Variants in SCN1A observed in about 807,000 individuals in gnomAD.
SCN1A encodes the protein sodium channel protein type 1 subunit alpha.
A neutral mutation model predicts 193.7 loss-of-function variants in SCN1A; 13 were observed. That is an observed-to-expected ratio of 0.07 (90% CI 0.04 to 0.11). The LOEUF is 0.11. Among genes scored for constraint, SCN1A ranks in the 10% least tolerant of loss-of-function variants. The pLI is 1.00. For missense variants in SCN1A, 1,432 were observed against 2,451.1 expected (o/e 0.58, Z 8.78); for synonymous variants, 781 against 843.6 (o/e 0.93, Z 1.29).
chr2:166,026,636 T>C (rs1694798073), intron 19 of SCN1A, among the ~76,000 whole-genome samples: 1 of 151,722 alleles, frequency 6.6e-6, no homozygotes, highest in African/African-American at 2.4e-5. Flanking sequence ...TAATTTGTTC[T>C]CACTGTTTTA....
chr2:166,113,133 T>C (rs181863403), intron 2 of SCN1A, among the ~76,000 whole-genome samples: 85 of 152,276 alleles, frequency 5.6e-4, no homozygotes, highest in Non-Finnish European at 9.0e-4. Flanking sequence ...TTGTGGTATC[T>C]GAGGATAATG....
intron 27 of SCN1A, among the ~76,000 whole-genome samples, chr2:165,994,629 A>T (rs1228478258): frequency 6.7e-6 from 1 of 149,206 alleles, no homozygotes; most frequent in Non-Finnish European, 1.5e-5. Context: ...ACAATCCCTT[A>T]TCCAAAGAAG....
chr2:166,068,989 A>C (rs1326972999), intron 4 of SCN1A, among the ~76,000 whole-genome samples: 9 of 152,202 alleles, frequency 5.9e-5, no homozygotes. Context: ...TTTCTGTAAT[A>C]AAGAGTGGGT....
intron 3 of SCN1A, among the ~76,000 whole-genome samples, chr2:166,077,509 C>A (rs902637446): frequency 1.3e-5 from 2 of 151,838 alleles, no homozygotes; most frequent in Non-Finnish European, 2.9e-5. Flanking sequence ...CAAATTAAAA[C>A]AATAAGATAG....
rs141993041 is a variant in SCN1A, at chr2:166,147,241, T to C, written c.-50+1806A>G. Among the ~76,000 whole-genome samples, 53 of 152,292 alleles carry C rather than the reference T, an allele frequency of 3.5e-4. 2 individuals are homozygous for C. The East Asian group carries it at 9.8e-3, about 28-fold the overall frequency. On this transcript the variant is annotated intron_variant, in intron 1 of 26. Coordinates refer to the SCN1A transcript ENST00000635750. The stretch of plus-strand genomic sequence containing the variant: ...GTACTTAGTAAATTTTGGCTTAATA[T>C]TGTAAATATTCAAACAATATAATCT...
chr2:166,052,916 G>A lies in SCN1A; in HGVS notation c.630C>T (p.Gly210=). The A allele has an allele frequency of 1.9e-6, 3 of 1,612,416 alleles. No individual in the cohort carries two copies. The highest frequency in any genetic ancestry group is 2.5e-6 in the Non-Finnish European group (3 of 1,179,074). ...FAYVTEFVDL[G]NVSALRTFRV... ...TGAATGTTCTCAATGCCGAGACATTGCCCAGGTCCACAAACTCTGTGACGT... is the reference window on the plus strand; with the variant it reads ...TGAATGTTCTCAATGCCGAGACATTACCCAGGTCCACAAACTCTGTGACGT... Residue 210 remains glycine, a synonymous_variant, in exon 8 of 29, where the codon GGC becomes GGT. Coordinates refer to ENST00000674923, the MANE Select transcript of SCN1A (RefSeq NM_001165963.4).
At chr2:166,072,137 G>GT (rs1481581099) in intron 4 of SCN1A, among the ~76,000 whole-genome samples, 1 of 152,064 alleles carries the variant, frequency 6.6e-6, no homozygotes, top group African/African-American at 2.4e-5. Flanking sequence ...GTCCCTAAAA[G>GT]TTTAGGGGGT....
chr2:166,035,966 C>A, intron 19 of SCN1A, 82 bp downstream of exon 19: 1 of 1,400,984 alleles, frequency 7.1e-7, no homozygotes, highest in Non-Finnish European at 9.9e-7. Context: ...GTCAAAACAT[C>A]ATTAAGCTGA....
chr2:166,048,249 T>C (rs1482461034), intron 10 of SCN1A, among the ~76,000 whole-genome samples: 1 of 152,114 alleles, frequency 6.6e-6, no homozygotes, highest in Middle Eastern at 3.2e-3. Flanking sequence ...AGGTTTGTTA[T>C]ATAGGTAAAT....
chr2:166,072,789 T>C (rs866519120), intron 4 of SCN1A, among the ~76,000 whole-genome samples: 5 of 144,482 alleles, frequency 3.5e-5, no homozygotes, highest in East Asian at 2.0e-4. Flanking sequence ...TGCCTCTTTC[T>C]TTCCTTCCTT....
chr2:166,111,203 C>T (rs934505831), intron 2 of SCN1A, among the ~76,000 whole-genome samples: 3 of 152,090 alleles, frequency 2.0e-5, no homozygotes, highest in Non-Finnish European at 4.4e-5. Context: ...CAATGCTTGG[C>T]TTTAAAGCTT....
At chr2:166,099,460 GATGCCC>G (rs201317922) in intron 2 of SCN1A, among the ~76,000 whole-genome samples, 37,333 of 148,704 alleles carry the variant, frequency 0.25, 4,643 homozygotes, top group Non-Finnish European at 0.26. Context: ...ACAAGGCAGG[GATGCCC>G]TCTCTCACCA....
intron 20 of SCN1A, among the ~76,000 whole-genome samples, 179 bp downstream of exon 20, chr2:166,015,428 A>G (rs1178879032): frequency 2.0e-5 from 3 of 151,972 alleles, no homozygotes; most frequent in African/African-American, 4.8e-5. Flanking sequence ...CATATTGGGC[A>G]GATATAATCA....
intron 1 of SCN1A, among the ~76,000 whole-genome samples, chr2:166,135,106 AC>A (rs1002069706): frequency 1.3e-5 from 2 of 151,750 alleles, no homozygotes; most frequent in African/African-American, 4.8e-5. Flanking sequence ...AATCCCCCCT[AC>A]CCCCCGACAT....
In SCN1A at chr2:166,089,774, A is replaced by G. The variant is rs115970474; in HGVS notation, c.-141-11973T>C. ...CTCATTCTAGGATTTTTCTTGAACAATTAAATACTCATGAGAGGAACCAGT... is the reference window on the plus strand; with the variant it reads ...CTCATTCTAGGATTTTTCTTGAACAGTTAAATACTCATGAGAGGAACCAGT... On this transcript the variant is annotated intron_variant, in intron 2 of 28. Coordinates refer to ENST00000674923, the MANE Select transcript of SCN1A (RefSeq NM_001165963.4). Among the ~76,000 whole-genome samples, 1,101 of 152,286 alleles carry G rather than the reference A, an allele frequency of 7.2e-3. 13 individuals are homozygous for G. Among genetic ancestry groups the G allele is most frequent in the African/African-American group, 0.025 (1,046 of 41,556 alleles).
chr2:166,092,728 T>C (rs1686948131), intron 2 of SCN1A: 1 of 152,156 alleles, frequency 6.6e-6, no homozygotes, highest in Non-Finnish European at 1.5e-5. Flanking sequence ...TGTGATAAGA[T>C]CATTAAACTT....
chr2:166,107,153 C>G (rs2106176086), intron 2 of SCN1A, among the ~76,000 whole-genome samples: 1 of 152,314 alleles, frequency 6.6e-6, no homozygotes, highest in South Asian at 2.1e-4. Context: ...TCTTCATCCA[C>G]TAGCACTTTT....
At chr2:166,051,575 C>G in intron 9 of SCN1A, 144 bp downstream of exon 9, 1 of 583,550 alleles carries the variant, frequency 1.7e-6, no homozygotes, top group East Asian at 3.0e-5. Flanking sequence ...ATATGGGGTA[C>G]ATGAGATGTT....
chr2:166,002,589 G>A lies in SCN1A; in HGVS notation c.4167C>T (p.Asp1389=), dbSNP rs376118833. ...TTTGDRFDIE[D]VNNHTDCLKL... ...TTAGGCAATCAGTATGATTATTCAC[G>A]TCTTCGATGTCAAACCTGTCACCAG... The change falls in exon 24 of 29, where the codon GAC becomes GAT. Residue 1389 remains aspartate (D), a synonymous_variant. Transcript: ENST00000674923. The A allele has an allele frequency of 3.7e-5, 60 of 1,611,712 alleles. No individual in the cohort carries two copies. The East Asian group carries it at 9.4e-4, about 25-fold the overall frequency.
Sources: allele counts gnomAD v4.1 joint callset (sites outside exome capture counted in the v4.1 genomes callset), GRCh38; gene constraint gnomAD v4.1.1; transcripts MANE v1.5; gene names NCBI Gene and HGNC (gene_info 2026-07-23, HGNC 2026-07-21).